DRC8: variants seen among roughly 807,000 people sequenced by gnomAD.
The protein encoded by DRC8 is dynein regulatory complex protein 8.
At chr1:245,048,876 G>A in the DRC8 span, among the ~76,000 whole-genome samples, 2 of 151,956 alleles carry the variant, frequency 1.3e-5, no homozygotes. Context: ...TGTCCAGGTG[G>A]GAAATGGACA....
At chr1:245,096,307 A>G in the DRC8 span, among the ~76,000 whole-genome samples, 1 of 152,384 alleles carries the variant, frequency 6.6e-6, no homozygotes. Flanking sequence ...GAACTGGGGA[A>G]ATAAGCCTGC....
chr1:245,124,733 C>T, the DRC8 span: 1 of 151,404 alleles, frequency 6.6e-6, no homozygotes, highest in South Asian at 2.1e-4. Flanking sequence ...ACAGCCGACA[C>T]CAACCAGTTT....
At chr1:244,994,890 T>C in the DRC8 span, among the ~76,000 whole-genome samples, 7 of 152,352 alleles carry the variant, frequency 4.6e-5, no homozygotes, top group East Asian at 1.3e-3. Context: ...TACTGTATTA[T>C]GTTTTCCTGG....
chr1:245,021,279 T>A, the DRC8 span, among the ~76,000 whole-genome samples: 2 of 152,068 alleles, frequency 1.3e-5, no homozygotes, highest in Non-Finnish European at 1.5e-5. Flanking sequence ...GCCTTGATAA[T>A]TTTTGATAGT....
chr1:245,019,669 G>A, the DRC8 span, among the ~76,000 whole-genome samples: 6 of 151,898 alleles, frequency 4.0e-5, no homozygotes, highest in African/African-American at 1.2e-4. Flanking sequence ...CACTGCACTC[G>A]GCCACTCTTT....
the DRC8 span, among the ~76,000 whole-genome samples, chr1:244,995,431 C>T: frequency 6.6e-6 from 1 of 152,120 alleles, no homozygotes; most frequent in Non-Finnish European, 1.5e-5. Context: ...GATCATAGCT[C>T]ACTGTAACCT....
the DRC8 span, among the ~76,000 whole-genome samples, chr1:245,054,469 G>A: frequency 1.3e-5 from 2 of 152,088 alleles, no homozygotes; most frequent in Non-Finnish European, 2.9e-5. Flanking sequence ...TAACTCCAGT[G>A]GCTGTTTCTC....
chr1:244,984,632 C>T, the DRC8 span, among the ~76,000 whole-genome samples: 86 of 151,998 alleles, frequency 5.7e-4, no homozygotes, highest in Non-Finnish European at 1.0e-3. Flanking sequence ...GTCAGGAGTT[C>T]GAGACCAGCC....
the DRC8 span, among the ~76,000 whole-genome samples, chr1:245,032,749 T>G: frequency 6.6e-6 from 1 of 151,974 alleles, no homozygotes; most frequent in Non-Finnish European, 1.5e-5. Context: ...AAAGGTGGGC[T>G]GGGGCCATTC....
the DRC8 span, among the ~76,000 whole-genome samples, chr1:245,013,146 AAAG>A: frequency 0.032 from 1,821 of 56,058 alleles, 20 homozygotes; most frequent in South Asian, 0.16. Flanking sequence ...AACAAAAAAC[AAAG>A]AACAAACAAA....
At chr1:245,093,220 TATTA>T in the DRC8 span, among the ~76,000 whole-genome samples, 2 of 152,182 alleles carry the variant, frequency 1.3e-5, no homozygotes, top group African/African-American at 4.8e-5. Context: ...GTCATGGTGC[TATTA>T]ATTATAAGGC....
chr1:244,994,250 C>G, the DRC8 span, among the ~76,000 whole-genome samples: 2 of 152,074 alleles, frequency 1.3e-5, no homozygotes, highest in African/African-American at 4.8e-5. Context: ...TTTGTAATCT[C>G]TTTGTCATTT....
At chr1:245,087,913 TC>T in the DRC8 span, 1 of 507,956 alleles carries the variant, frequency 2.0e-6, no homozygotes, top group Non-Finnish European at 2.5e-6. Context: ...TATTTGCTGA[TC>T]CAGCATGTCA....
the DRC8 span, among the ~76,000 whole-genome samples, chr1:245,100,816 AATACTT>A: frequency 2.5e-5 from 1 of 40,426 alleles, no homozygotes; most frequent in Non-Finnish European, 7.5e-5. Flanking sequence ...AATAATAATA[AATACTT>A]CACAGTTTGA....
chr1:245,087,416 G>T, the DRC8 span: 1 of 1,529,882 alleles, frequency 6.5e-7, no homozygotes, highest in Non-Finnish European at 8.7e-7. Flanking sequence ...GCTTGTTCTT[G>T]TTAATTTCAC....
the DRC8 span, among the ~76,000 whole-genome samples, chr1:245,065,881 A>C: frequency 6.6e-6 from 1 of 151,866 alleles, no homozygotes. Context: ...TAGAAGGTAA[A>C]TCTCGAAACT....
chr1:245,088,273 G>C, the DRC8 span, among the ~76,000 whole-genome samples: 1 of 148,876 alleles, frequency 6.7e-6, no homozygotes, highest in African/African-American at 2.5e-5. The surrounding 1 kb of genome is among the most constrained non-coding windows in gnomAD (Gnocchi z 4.6). Context: ...AAAGTAAAGG[G>C]AAGTGAACAA....
chr1:245,121,653 G>T, the DRC8 span, among the ~76,000 whole-genome samples: 1 of 152,190 alleles, frequency 6.6e-6, no homozygotes, highest in Admixed American at 6.5e-5. Context: ...GGCCGGGCTG[G>T]CCTTCCCTAA....
At chr1:244,970,493 C>A in the DRC8 span, 1 of 1,518,758 alleles carries the variant, frequency 6.6e-7, no homozygotes, top group Admixed American at 2.0e-5. Flanking sequence ...CGCCGCGACC[C>A]CGGGCTGCAC....
Sources: gnomAD v4.1 joint callset for allele counts (sites outside exome capture counted in the v4.1 genomes callset) on GRCh38, gnomAD v4.1.1 for gene constraint, Gnocchi (gnomAD v3.1) non-coding constraint, MANE v1.5 for transcripts, NCBI Gene and HGNC (gene_info 2026-07-23, HGNC 2026-07-21) for gene names.